The following DLG2 variants were observed in gnomAD, a reference collection of about 807,000 sequenced individuals.
DLG2 encodes discs large MAGUK scaffold protein 2.
A neutral mutation model predicts 132.5 loss-of-function variants in DLG2; 45 were observed. That is an observed-to-expected ratio of 0.34 (90% CI 0.27 to 0.44). The LOEUF (loss-of-function observed/expected upper bound fraction) is 0.44, where lower values mean the gene tolerates loss of function less well. Ranked by LOEUF, DLG2 falls within the 20% of genes least tolerant of loss-of-function variation. The probability of loss-of-function intolerance (pLI) is 1.00; values close to 1 mark genes in which losing one functional copy is unlikely to be tolerated. For synonymous variants in DLG2, 424 were observed against 419.6 expected (o/e 1.01, Z -0.13); for missense variants, 1,045 against 1,196.9 (o/e 0.87, Z 1.87).
intron 3 of DLG2, among the ~76,000 whole-genome samples, chr11:85,313,342 A>C (rs2080435605): frequency 6.6e-6 from 1 of 151,996 alleles, no homozygotes; most frequent in South Asian, 2.1e-4. Context: ...AACCATGTAC[A>C]GTCACATTAG....
chr11:84,724,683 G>A (rs566009210), intron 6 of DLG2, among the ~76,000 whole-genome samples: 4 of 152,230 alleles, frequency 2.6e-5, no homozygotes, highest in Admixed American at 6.5e-5. Context: ...ATGACAGGGC[G>A]AGATTAAGTA....
rs535332878 is a variant in DLG2 at position 83,836,136 on chromosome 11, G to T, written c.1566-2366C>A. Among the ~76,000 whole-genome samples the T allele has an allele frequency of 3.3e-5, 5 of 152,178 alleles. No individual in the cohort carries two copies. The South Asian group carries it at 1.0e-3, about 32-fold the overall frequency. On this transcript the variant is annotated intron_variant, in intron 16 of 27. Transcript: ENST00000376104. ...GTCCCAGCTTGAAGACAGTCAGGAA[G>T]AAGCAGCAAATTCACCCTCTCAATG...
At chr11:84,596,379 CT>C (rs1211350827) in intron 6 of DLG2, among the ~76,000 whole-genome samples, 8,837 of 121,732 alleles carry the variant, frequency 0.073, 269 homozygotes, top group South Asian at 0.1. Flanking sequence ...AGATAATTTT[CT>C]TTTTTTTTTT....
chr11:84,930,773 T>C (rs1337547562), intron 6 of DLG2, among the ~76,000 whole-genome samples: 1 of 152,162 alleles, frequency 6.6e-6, no homozygotes, highest in Non-Finnish European at 1.5e-5. Flanking sequence ...TGACAATTTA[T>C]ATTCATGTGC....
intron 15 of DLG2, among the ~76,000 whole-genome samples, chr11:83,910,785 C>T (rs1418382157): frequency 6.6e-6 from 1 of 152,112 alleles, no homozygotes; most frequent in Non-Finnish European, 1.5e-5. Context: ...ATTTCAGTTG[C>T]TCTTCATGCC....
At chr11:85,522,033 T>G (rs2074356644) in intron 3 of DLG2, among the ~76,000 whole-genome samples, 1 of 151,804 alleles carries the variant, frequency 6.6e-6, no homozygotes, top group Non-Finnish European at 1.5e-5. Flanking sequence ...ATGGGGAAAA[T>G]GTTTCTAGGG....
intron 7 of DLG2, among the ~76,000 whole-genome samples, chr11:84,319,522 T>C (rs2098391518): frequency 6.6e-6 from 1 of 152,206 alleles, no homozygotes. Flanking sequence ...CTCTCAAGTA[T>C]AAGAATCAAT....
At chr11:85,375,559 T>C (rs917008032) in intron 3 of DLG2, among the ~76,000 whole-genome samples, 2 of 152,196 alleles carry the variant, frequency 1.3e-5, no homozygotes, top group African/African-American at 4.8e-5. Context: ...TCCTTTTCAG[T>C]TGTCATTCAC....
chr11:84,109,236 G>A (rs1398635867), intron 9 of DLG2, among the ~76,000 whole-genome samples: 3 of 152,158 alleles, frequency 2.0e-5, no homozygotes, highest in Non-Finnish European at 4.4e-5. Flanking sequence ...GTGGGTTATT[G>A]CAGGAATATC....
intron 16 of DLG2, among the ~76,000 whole-genome samples, chr11:83,850,187 T>C (rs1057346038): frequency 5.0e-5 from 7 of 139,516 alleles, no homozygotes; most frequent in African/African-American, 1.9e-4. Flanking sequence ...GGAGTCTCAC[T>C]CTGTCTCCCA....
At chr11:84,137,054 G>A (rs1194558602) in intron 9 of DLG2, among the ~76,000 whole-genome samples, 1 of 152,132 alleles carries the variant, frequency 6.6e-6, no homozygotes, top group Non-Finnish European at 1.5e-5. Context: ...GGGCAGGAAA[G>A]GGGGAGCTTT....
At chr11:84,993,582 G>T (rs2057348535) in intron 6 of DLG2, among the ~76,000 whole-genome samples, 2 of 152,150 alleles carry the variant, frequency 1.3e-5, no homozygotes, top group African/African-American at 4.8e-5. Flanking sequence ...CCTACCGTGG[G>T]TACTTTACTG....
At chr11:85,004,687 G>GT (rs566582261) in intron 6 of DLG2, among the ~76,000 whole-genome samples, 72 of 151,968 alleles carry the variant, frequency 4.7e-4, no homozygotes, top group Non-Finnish European at 7.8e-4. Context: ...TCTGATAATA[G>GT]TTTTTTTTAA....
chr11:85,502,181 C>A (rs1476082278), intron 3 of DLG2, among the ~76,000 whole-genome samples: 1 of 151,766 alleles, frequency 6.6e-6, no homozygotes, highest in Non-Finnish European at 1.5e-5. Context: ...GAAAACCAAA[C>A]AGCTCATGTT....
intron 17 of DLG2, among the ~76,000 whole-genome samples, chr11:83,792,611 T>C (rs1399682540): frequency 6.6e-6 from 1 of 152,144 alleles, no homozygotes; most frequent in Non-Finnish European, 1.5e-5. Flanking sequence ...GTTCTACACC[T>C]TGATTTTTTC....
At chr11:85,314,533 G>A (rs2080523183) in intron 3 of DLG2, among the ~76,000 whole-genome samples, 1 of 151,748 alleles carries the variant, frequency 6.6e-6, no homozygotes, top group South Asian at 2.1e-4. Flanking sequence ...TCAAATTTCA[G>A]ATGATAGTGG....
chr11:84,134,230 T>C (rs976545960), intron 9 of DLG2, among the ~76,000 whole-genome samples: 1 of 150,642 alleles, frequency 6.6e-6, no homozygotes, highest in Non-Finnish European at 1.5e-5. Context: ...GGAGAGCTTC[T>C]GATCCAATCA....
intron 8 of DLG2, among the ~76,000 whole-genome samples, chr11:84,182,544 AG>A (rs1264512337): frequency 6.6e-6 from 1 of 150,658 alleles, no homozygotes; most frequent in Admixed American, 6.6e-5. Flanking sequence ...AGAAAAAAAA[AG>A]AAAAAGAAAA....
chr11:83,550,271 T>G (rs746800531), intron 19 of DLG2, among the ~76,000 whole-genome samples: 1 of 152,176 alleles, frequency 6.6e-6, no homozygotes, highest in Non-Finnish European at 1.5e-5. Context: ...TAGAGTATAA[T>G]CAGGGAAGAA....
Sources: gnomAD v4.1 joint callset for allele counts (sites outside exome capture counted in the v4.1 genomes callset) on GRCh38, gnomAD v4.1.1 for gene constraint, MANE v1.5 for transcripts, NCBI Gene and HGNC (gene_info 2026-07-23, HGNC 2026-07-21) for gene names.